KAZN: variants seen among roughly 807,000 people sequenced by gnomAD.
KAZN encodes kazrin.
In KAZN, 40 loss-of-function variants were observed where a neutral mutation model predicts 87.4. That is an observed-to-expected ratio of 0.46 (90% CI 0.36 to 0.60). The LOEUF is 0.60. Among genes scored for constraint, KAZN ranks in the 20% least tolerant of loss-of-function variants. The pLI is 0.00. For synonymous variants in KAZN, 466 were observed against 458.3 expected, an observed-to-expected ratio of 1.02 and a Z score of -0.22; for missense variants, 898 against 1,073.9, an observed-to-expected ratio of 0.84 and a Z score of 2.29.
intron 1 of KAZN, among the ~76,000 whole-genome samples, chr1:13,960,175 A>G (rs1641698178): frequency 6.6e-6 from 1 of 152,140 alleles, no homozygotes; most frequent in Admixed American, 6.5e-5. Context: ...TCACTTCTAC[A>G]ATTCTTGAGT....
At chr1:14,734,884 A>C (rs1643847062) in intron 1 of KAZN, among the ~76,000 whole-genome samples, 1 of 152,116 alleles carries the variant, frequency 6.6e-6, no homozygotes, top group Non-Finnish European at 1.5e-5. Flanking sequence ...TTTGAGGAGC[A>C]CTTTTAGTTC....
intron 2 of KAZN, among the ~76,000 whole-genome samples, chr1:14,417,948 A>T (rs1006065725): frequency 7.2e-6 from 1 of 138,570 alleles, no homozygotes; most frequent in Non-Finnish European, 1.5e-5. Flanking sequence ...GTGAGCAGAA[A>T]TCACACCACT....
At chr1:13,921,842 A>C (rs1402942997) in intron 1 of KAZN, among the ~76,000 whole-genome samples, 1 of 152,092 alleles carries the variant, frequency 6.6e-6, no homozygotes, top group African/African-American at 2.4e-5. Flanking sequence ...TGTGTTAGCC[A>C]GGATGATCTC....
At chr1:14,191,123 C>G (rs1418631559) in intron 2 of KAZN, among the ~76,000 whole-genome samples, 2 of 152,058 alleles carry the variant, frequency 1.3e-5, no homozygotes, top group East Asian at 3.9e-4. Flanking sequence ...GGATTTAATG[C>G]ATTTAAGCAA....
intron 1 of KAZN, among the ~76,000 whole-genome samples, chr1:14,925,099 G>C (rs529494988): frequency 3.5e-4 from 53 of 152,376 alleles, no homozygotes; most frequent in Non-Finnish European, 4.8e-4. Flanking sequence ...AATTGCAGAG[G>C]TGGAGACACA....
Position 15,060,269 on chromosome 1 carries a change from C to T in KAZN, c.1014C>T (p.Asn338=), listed in dbSNP as rs376524982. Residue 338 remains asparagine, a synonymous_variant, in exon 6 of 15, where the codon AAC becomes AAT. Coordinates refer to ENST00000376030, the MANE Select transcript of KAZN (RefSeq NM_201628.3). ...GGTCGTCCACACCGAGCGACATCAA[C>T]TCCCCTCGACACCGGACACACTCCC... is the stretch of plus-strand genomic sequence containing the variant. ...GDRSSTPSDI[N]SPRHRTHSLC... 8 of 1,614,234 alleles carry T rather than the reference C, an allele frequency of 5.0e-6. No individual in the cohort carries two copies. In the Middle Eastern group the frequency reaches 4.9e-4, roughly 100 times the overall value.
chr1:14,947,936 A>C (rs971997374), intron 1 of KAZN, among the ~76,000 whole-genome samples: 8 of 152,254 alleles, frequency 5.3e-5, no homozygotes, highest in Non-Finnish European at 1.0e-4. Context: ...AGAACTTGAA[A>C]GGTTTGTGAC....
chr1:14,792,618 G>A (rs2100696514), intron 1 of KAZN, among the ~76,000 whole-genome samples: 1 of 152,254 alleles, frequency 6.6e-6, no homozygotes, highest in African/African-American at 2.4e-5. Context: ...GTGCCAAGCA[G>A]AGGGAACAGC....
chr1:14,339,728 A>G (rs1657547938), intron 2 of KAZN, among the ~76,000 whole-genome samples: 1 of 152,204 alleles, frequency 6.6e-6, no homozygotes, highest in African/African-American at 2.4e-5. Context: ...TTAGCAATTT[A>G]AATGTTAGTT....
chr1:13,954,403 T>A (rs929203549), intron 1 of KAZN, among the ~76,000 whole-genome samples: 2 of 152,202 alleles, frequency 1.3e-5, no homozygotes, highest in African/African-American at 2.4e-5. Context: ...AAAAATAATT[T>A]TGTGCATGAC....
chr1:14,654,876 A>G (rs1393064673), intron 1 of KAZN, among the ~76,000 whole-genome samples: 1 of 152,124 alleles, frequency 6.6e-6, no homozygotes, highest in Non-Finnish European at 1.5e-5. Flanking sequence ...CAAGGAGGAC[A>G]CTCTCACCCA....
At chr1:14,989,001 C>G (rs1176953184) in intron 2 of KAZN, among the ~76,000 whole-genome samples, 1 of 152,256 alleles carries the variant, frequency 6.6e-6, no homozygotes, top group African/African-American at 2.4e-5. Context: ...GCACCACCAC[C>G]TTCAACAGCT....
intron 2 of KAZN, among the ~76,000 whole-genome samples, chr1:15,017,123 C>A (rs1670198731): frequency 6.6e-6 from 1 of 151,718 alleles, no homozygotes; most frequent in Non-Finnish European, 1.5e-5. Context: ...TATGGTAAAA[C>A]CCTGTCTCTA....
intron 2 of KAZN, among the ~76,000 whole-genome samples, chr1:14,491,619 T>C (rs1309141203): frequency 6.6e-6 from 1 of 152,212 alleles, no homozygotes. Context: ...CTCGATATTA[T>C]TTGTCATGCT....
chr1:15,044,635 G>A (rs1333559558), intron 4 of KAZN, among the ~76,000 whole-genome samples: 6 of 151,620 alleles, frequency 4.0e-5, no homozygotes, highest in East Asian at 3.9e-4. Flanking sequence ...CAACTAGACC[G>A]GTGGCTGAGG....
At chr1:14,441,481 T>C (rs1313013291) in intron 2 of KAZN, among the ~76,000 whole-genome samples, 1 of 152,160 alleles carries the variant, frequency 6.6e-6, no homozygotes, top group Non-Finnish European at 1.5e-5. Context: ...GCCAGCGACA[T>C]TTTACAAGTC....
At chr1:14,655,616 C>T (rs866288335) in intron 1 of KAZN, among the ~76,000 whole-genome samples, 4 of 152,248 alleles carry the variant, frequency 2.6e-5, no homozygotes, top group South Asian at 4.1e-4. Context: ...TTAGCTGCTG[C>T]GACAGATATA....
At chr1:14,335,617 G>C (rs1657199859) in intron 2 of KAZN, among the ~76,000 whole-genome samples, 1 of 152,148 alleles carries the variant, frequency 6.6e-6, no homozygotes, top group Admixed American at 6.5e-5. Context: ...AAGCCAAGCA[G>C]AGGCTGGTGC....
rs1378757977 is a variant in KAZN, at chr1:14,464,367, C to CA, written c.250-134615dup. Among the ~76,000 whole-genome samples the CA allele has an allele frequency of 1.4e-4, 21 of 152,120 alleles. 1 individual carries two copies. Among genetic ancestry groups the CA allele is most frequent in the Non-Finnish European group, 3.1e-4 (21 of 68,026 alleles). On this transcript the variant is annotated intron_variant, in intron 2 of 16. Coordinates refer to the KAZN transcript ENST00000636203. ...TGCTCTTGAAAAGTCTGGCAACACT[C>CA]AGATTGCGTTTCCTTAGAGAAATAA...
Sources: gnomAD v4.1 joint callset for allele counts (sites outside exome capture counted in the v4.1 genomes callset) on GRCh38, gnomAD v4.1.1 for gene constraint, MANE v1.5 for transcripts, NCBI Gene and HGNC (gene_info 2026-07-23, HGNC 2026-07-21) for gene names.